Variants in ST8SIA2 observed in about 807,000 individuals in gnomAD.
ST8SIA2 encodes alpha-2,8-sialyltransferase 8B.
In ST8SIA2, 22 loss-of-function variants were observed where a neutral mutation model predicts 37.6. That is an observed-to-expected ratio of 0.58 (90% CI 0.42 to 0.83). The LOEUF (loss-of-function observed/expected upper bound fraction) is 0.83. Ranked by LOEUF, ST8SIA2 falls within the 40% of genes least tolerant of loss-of-function variation. ST8SIA2 has a pLI of 0.00. For synonymous variants in ST8SIA2, 205 were observed against 201.2 expected, an observed-to-expected ratio of 1.02 and a Z score of -0.16; for missense variants, 382 against 484.7, an observed-to-expected ratio of 0.79 and a Z score of 1.99.
Position 92,438,509 on chromosome 15 carries a change from G to A in ST8SIA2, c.447G>A (p.Leu149=), listed in dbSNP as rs750530214. 4.3e-6 allele frequency: 7 copies of A among 1,614,208 alleles called. No homozygotes were observed. The highest frequency in any genetic ancestry group is 3.4e-6 in the Non-Finnish European group (4 of 1,180,046). Residue 149 remains leucine, a synonymous_variant, in exon 4 of 6, where the codon CTG becomes CTA. Coordinates refer to ENST00000268164, the MANE Select transcript of ST8SIA2 (RefSeq NM_006011.4). ...LYELLPRTSP[L]KNKHFGTCAI... ...AGCTCCTCCCCAGGACTTCGCCACT[G>A]AAGAATAAGCACTTTGGGACTTGTG...
At chr15:92,422,067 TTTTTCCTCTTGTCCC>T (rs2049638998) in intron 1 of ST8SIA2, 2 of 152,208 alleles carry the variant, frequency 1.3e-5, no homozygotes, top group South Asian at 4.1e-4. Flanking sequence ...GTACCATCTG[TTTTTCCTCTTGTCCC>T]ATACAGCCTA....
intron 1 of ST8SIA2, among the ~76,000 whole-genome samples, chr15:92,408,419 G>GCC (rs541732377): frequency 4.6e-5 from 7 of 152,252 alleles, no homozygotes; most frequent in African/African-American, 1.7e-4. Context: ...TCAGATGTGT[G>GCC]CCCCGTTGTA....
intron 5 of ST8SIA2, among the ~76,000 whole-genome samples, chr15:92,463,889 G>A (rs113691597): frequency 1.5e-3 from 221 of 152,082 alleles, no homozygotes; most frequent in African/African-American, 4.8e-3. Flanking sequence ...TCATAAACTC[G>A]TGTCTGTGAC....
chr15:92,418,226 A>G (rs1308687157), intron 1 of ST8SIA2, among the ~76,000 whole-genome samples: 1 of 150,052 alleles, frequency 6.7e-6, no homozygotes, highest in African/African-American at 2.5e-5. Flanking sequence ...GGCTGAGCCC[A>G]GAAGATCACT....
chr15:92,406,315 G>T (rs1442404096), intron 1 of ST8SIA2, among the ~76,000 whole-genome samples: 2 of 152,310 alleles, frequency 1.3e-5, no homozygotes, highest in Non-Finnish European at 2.9e-5. Flanking sequence ...CTGAGAATTT[G>T]CATCTCTAAC....
rs2050006989 is a variant in ST8SIA2 at position 92,468,237 on chromosome 15, G to T, written c.*3852G>T. 6.6e-6 allele frequency: 1 copy of T among 152,606 alleles called. No homozygotes were observed. Among genetic ancestry groups the T allele is most frequent in the African/African-American group, 2.4e-5 (1 of 41,414 alleles). The allele number at this position is 152,606 out of a possible 1,614,324, so 9.5% of individuals were successfully genotyped here. On this transcript the variant is annotated 3_prime_UTR_variant, in exon 6 of 6. Coordinates refer to ENST00000268164, the MANE Select transcript of ST8SIA2 (RefSeq NM_006011.4). ...TCCCGTTGCACACAAACCTTTAAAA[G>T]TTCCCCGGCCCGTGAACAAATGTAC...
intron 1 of ST8SIA2, among the ~76,000 whole-genome samples, chr15:92,412,032 G>A (rs936287406): frequency 1.3e-5 from 2 of 152,176 alleles, no homozygotes; most frequent in Non-Finnish European, 2.9e-5. Flanking sequence ...ACAGACGAGG[G>A]CCTCAGGCCA....
At chr15:92,463,607 C>G (rs1257018062) in intron 5 of ST8SIA2, among the ~76,000 whole-genome samples, 2 of 152,238 alleles carry the variant, frequency 1.3e-5, no homozygotes, top group Non-Finnish European at 2.9e-5. Context: ...AGGGCCAAGT[C>G]TGGCCACACC....
chr15:92,421,604 A>G (rs79734129), intron 1 of ST8SIA2, among the ~76,000 whole-genome samples: 12,989 of 152,272 alleles, frequency 0.085, 1,616 homozygotes, highest in African/African-American at 0.28. Context: ...AGATAGGTTA[A>G]GTAATACTCA....
At chr15:92,423,917 A>G (rs1482596079) in intron 1 of ST8SIA2, among the ~76,000 whole-genome samples, 2 of 152,234 alleles carry the variant, frequency 1.3e-5, no homozygotes, top group Admixed American at 6.5e-5. Flanking sequence ...GCCTTCGACC[A>G]CTGTTGACAG....
At chr15:92,459,095 G>C (rs1004079794) in intron 5 of ST8SIA2, among the ~76,000 whole-genome samples, 4 of 152,184 alleles carry the variant, frequency 2.6e-5, no homozygotes, top group South Asian at 2.1e-4. Context: ...TGGGCCACTT[G>C]GACGTTTCAT....
At chr15:92,431,006 C>G (rs1279421096) in intron 2 of ST8SIA2, among the ~76,000 whole-genome samples, 1 of 152,144 alleles carries the variant, frequency 6.6e-6, no homozygotes, top group African/African-American at 2.4e-5. Context: ...GCATGACTGA[C>G]TCGAGAAACT....
intron 5 of ST8SIA2, chr15:92,445,242 AT>A: frequency 2.1e-6 from 1 of 479,882 alleles, no homozygotes; most frequent in Non-Finnish European, 3.8e-6. Flanking sequence ...GGGAGGAGAG[AT>A]GGCGGCTGGC....
chr15:92,410,636 T>A (rs2049541944), intron 1 of ST8SIA2, among the ~76,000 whole-genome samples: 1 of 152,266 alleles, frequency 6.6e-6, no homozygotes, highest in Non-Finnish European at 1.5e-5. Flanking sequence ...GAAGCCTTCT[T>A]CACTTAACTA....
intron 5 of ST8SIA2, among the ~76,000 whole-genome samples, chr15:92,445,956 C>T (rs1466575773): frequency 6.6e-6 from 1 of 151,530 alleles, no homozygotes; most frequent in Non-Finnish European, 1.5e-5. Flanking sequence ...TTACTAGTGC[C>T]CATGATAGCA....
chr15:92,406,871 G>A (rs573962120), intron 1 of ST8SIA2, among the ~76,000 whole-genome samples: 1 of 152,126 alleles, frequency 6.6e-6, no homozygotes, highest in African/African-American at 2.4e-5. Context: ...GTGTGCGCCT[G>A]TAATCTCAGC....
At chr15:92,433,521 C>G (rs1341580371) in intron 2 of ST8SIA2, among the ~76,000 whole-genome samples, 1 of 152,234 alleles carries the variant, frequency 6.6e-6, no homozygotes, top group Non-Finnish European at 1.5e-5. Context: ...GGTGTTTACC[C>G]AGAATCGTGA....
At chr15:92,430,003 A>G in intron 1 of ST8SIA2, 46 bp from the exon 2 acceptor site, 1 of 1,608,714 alleles carries the variant, frequency 6.2e-7, no homozygotes, top group Non-Finnish European at 8.5e-7. Context: ...AGGGCTTTGC[A>G]AAGATGAGCT....
At chr15:92,400,167 A>G (rs1318968576) in intron 1 of ST8SIA2, among the ~76,000 whole-genome samples, 3 of 152,148 alleles carry the variant, frequency 2.0e-5, no homozygotes, top group Non-Finnish European at 4.4e-5. Flanking sequence ...GTCTTCTTCC[A>G]GGCTAAGATC....
Sources: allele counts gnomAD v4.1 joint callset (sites outside exome capture counted in the v4.1 genomes callset), GRCh38; gene constraint gnomAD v4.1.1; transcripts MANE v1.5; gene names NCBI Gene and HGNC (gene_info 2026-07-23, HGNC 2026-07-21).